The following VGLL2 variants were observed in gnomAD, a reference collection of about 807,000 sequenced individuals.
The protein encoded by VGLL2 is vestigial like family member 2, also known as transcription cofactor vestigial-like protein 2.
In VGLL2, 18 loss-of-function variants were observed where a neutral mutation model predicts 27.0. That is an observed-to-expected ratio of 0.67 (90% CI 0.46 to 0.99). The LOEUF is 0.99. Ranked by LOEUF, VGLL2 falls within the 50% of genes least tolerant of loss-of-function variation. The pLI, the probability that VGLL2 is intolerant of heterozygous loss-of-function variation, is 0.00. For synonymous variants in VGLL2, 220 were observed against 201.1 expected (o/e 1.09, Z -0.80); for missense variants, 491 against 452.3 (o/e 1.09, Z -0.78).
chr6:117,266,654 T>G (rs1407729500), intron 1 of VGLL2, among the ~76,000 whole-genome samples: 3 of 152,174 alleles, frequency 2.0e-5, no homozygotes, highest in African/African-American at 7.2e-5. Context: ...TTCCTTCCAT[T>G]TCCTCAGCTG....
chr6:117,270,907 C>T lies in VGLL2; in HGVS notation c.756C>T (p.Ala252=), dbSNP rs1405525375. The change falls in exon 3 of 4, where the codon GCC becomes GCT. Residue 252 remains alanine (A), a synonymous_variant. Coordinates refer to ENST00000326274, the MANE Select transcript of VGLL2 (RefSeq NM_182645.3). ...TGCCAGCCGCCTCGGGGCGCCCGGC[C>T]CGCCTCGCAACCGCCCCGGCGCCCG... ...LLMPAASGRP[A]RLATAPAPAP... 2.4e-6 allele frequency: 3 copies of T among 1,262,764 alleles called. No individual in the cohort carries two copies. Among genetic ancestry groups the T allele is most frequent in the Non-Finnish European group, 9.9e-7 (1 of 1,009,006 alleles). 78.2% of individuals were successfully genotyped at this position (1,262,764 alleles called of 1,614,324 possible).
Position 117,272,683 on chromosome 6 carries a change from C to A in VGLL2, c.*189C>A. 1 of 763,418 alleles carries A rather than the reference C, an allele frequency of 1.3e-6. No homozygotes were observed. Among genetic ancestry groups the A allele is most frequent in the Non-Finnish European group, 2.0e-6 (1 of 488,418 alleles). The allele number at this position is 763,418 out of a possible 1,614,324, so 47.3% of individuals were successfully genotyped here. A position where few individuals can be genotyped will look rare whatever the true frequency, so the allele number is the denominator to read the frequency against. On this transcript the variant is annotated 3_prime_UTR_variant, in exon 4 of 4. Transcript: ENST00000326274. ...AAAATAAGTCCTGCTGCTGAAAGAG[C>A]AAATCCAAAGACTGAGTTATGTTTA...
intron 2 of VGLL2, among the ~76,000 whole-genome samples, chr6:117,270,315 C>A (rs1773155610): frequency 6.6e-6 from 1 of 152,032 alleles, no homozygotes; most frequent in Admixed American, 6.5e-5. Context: ...TCCCAGAAGC[C>A]CCCATTTTGC....
chr6:117,265,842 C>T lies in VGLL2; in HGVS notation c.79C>T (p.Gln27Ter), dbSNP rs1734726253. Residue 27 changes from glutamine to a stop codon, truncating the protein, a stop_gained and splice_region_variant, in exon 1 of 4, where the codon CAG becomes TAG. Coordinates refer to ENST00000326274, the MANE Select transcript of VGLL2 (RefSeq NM_182645.3). LOFTEE classifies it high-confidence loss of function. ...YFAAAYTPYH[Q>*]KLAYYSKMQE... ...CGCAGCCGCCTACACCCCCTACCAC[C>T]AGGTACGTGTCTCCTCTGGGGACTT... is the stretch of plus-strand genomic sequence containing the variant. The T allele has an allele frequency of 6.2e-7, 1 of 1,613,778 alleles. No homozygotes were observed. The highest frequency in any genetic ancestry group is 1.1e-5 in the South Asian group (1 of 91,076).
At position 117,268,368 on chromosome 6, in the gene VGLL2, T is replaced by A; in HGVS notation, c.268T>A (p.Tyr90Asn). The change falls in exon 2 of 4, where the codon TAT (tyrosine) becomes AAT (asparagine). Residue 90 changes from tyrosine to asparagine, a missense_variant. By Grantham distance (143) the Tyr-to-Asn change is moderately radical. Coordinates refer to ENST00000326274, the MANE Select transcript of VGLL2 (RefSeq NM_182645.3). ...YINSRCVLFT[Y>N]FQGDISSVVD... is the part of the protein sequence containing the mutation. ...CAACTCCCGCTGCGTCCTCTTCACT[T>A]ATTTCCAGGGGGACATCAGCTCCGT... The A allele has an allele frequency of 6.2e-7, 1 of 1,614,002 alleles. No individual in the cohort carries two copies. Among genetic ancestry groups the A allele is most frequent in the South Asian group, 1.1e-5 (1 of 91,068 alleles).
intron 1 of VGLL2, among the ~76,000 whole-genome samples, chr6:117,266,200 C>A (rs1773064845): frequency 6.6e-6 from 1 of 152,176 alleles, no homozygotes; most frequent in African/African-American, 2.4e-5. Context: ...AAAGCTGACG[C>A]AGGAAAAACC....
intron 1 of VGLL2, among the ~76,000 whole-genome samples, chr6:117,267,301 C>T (rs554857191): frequency 6.6e-6 from 1 of 152,306 alleles, no homozygotes; most frequent in East Asian, 1.9e-4. Flanking sequence ...AAAATGTTCA[C>T]AGAAGCTGCG....
chr6:117,272,824 A>G lies in VGLL2; in HGVS notation c.*330A>G, dbSNP rs1180954297. On this transcript the variant is annotated 3_prime_UTR_variant, in exon 4 of 4. Transcript: ENST00000326274. ...GAAAATGAAACTTTTTGGTGTGAAT[A>G]TTTTTTATGCTGATGTGAATTATTT... 1 of 399,358 alleles carries G rather than the reference A, an allele frequency of 2.5e-6. No individual in the cohort carries two copies. Among genetic ancestry groups the G allele is most frequent in the Admixed American group, 4.3e-5 (1 of 23,466 alleles). 24.7% of individuals were successfully genotyped at this position (399,358 alleles called of 1,614,324 possible). A position where few individuals can be genotyped will look rare whatever the true frequency, so the allele number is the denominator to read the frequency against.
In VGLL2 at chr6:117,272,440, A is replaced by T; in HGVS notation, c.914-14A>T. On this transcript the variant is annotated splice_polypyrimidine_tract_variant and intron_variant, in intron 3 of 3. Coordinates refer to ENST00000326274, the MANE Select transcript of VGLL2 (RefSeq NM_182645.3). ...TGGAGTGGGTTTGTAACAGCTTCTGATCTTGGTTTGCAGCTCGTCGTTATT... is the reference window on the plus strand; with the variant it reads ...TGGAGTGGGTTTGTAACAGCTTCTGTTCTTGGTTTGCAGCTCGTCGTTATT... 1.9e-6 allele frequency: 3 copies of T among 1,614,074 alleles called. No individual in the cohort carries two copies. Among genetic ancestry groups the T allele is most frequent in the Non-Finnish European group, 2.5e-6 (3 of 1,180,024 alleles).
intron 1 of VGLL2, among the ~76,000 whole-genome samples, chr6:117,267,442 G>A (rs1773089590): frequency 6.6e-6 from 1 of 151,796 alleles, no homozygotes; most frequent in African/African-American, 2.4e-5. Flanking sequence ...GGAAATACTC[G>A]TAATCCACTG....
intron 2 of VGLL2, 99 bp from the exon 3 acceptor site, chr6:117,270,444 C>T (rs1192699373): frequency 3.6e-6 from 5 of 1,392,286 alleles, no homozygotes; most frequent in Non-Finnish European, 3.8e-6. Flanking sequence ...CCGGCGCCTT[C>T]GTCTCTCGGG....
chr6:117,267,940 G>C (rs1482801535), intron 1 of VGLL2, among the ~76,000 whole-genome samples: 1 of 152,196 alleles, frequency 6.6e-6, no homozygotes, highest in Admixed American at 6.5e-5. Context: ...TTTTCTAGGA[G>C]TCAGAGGGAC....
chr6:117,271,820 G>A (rs1773207072), intron 3 of VGLL2, among the ~76,000 whole-genome samples: 1 of 152,134 alleles, frequency 6.6e-6, no homozygotes, highest in Non-Finnish European at 1.5e-5. Context: ...TCTTAAAAAT[G>A]TAAATCTTAA....
In VGLL2 at chr6:117,268,354, G is replaced by T; in HGVS notation, c.254G>T (p.Cys85Phe). The change falls in exon 2 of 4, where the codon TGC becomes TTC. Residue 85 changes from cysteine to phenylalanine, a missense_variant. Physicochemically the swap from Cys to Phe is radical, Grantham distance 205 (BLOSUM62 -2). Coordinates refer to ENST00000326274, the MANE Select transcript of VGLL2 (RefSeq NM_182645.3). ...PPEAEYINSR[C>F]VLFTYFQGDI... ...GAGGCAGAGTACATCAACTCCCGCTGCGTCCTCTTCACTTATTTCCAGGGG... is the reference window on the plus strand; with the variant it reads ...GAGGCAGAGTACATCAACTCCCGCTTCGTCCTCTTCACTTATTTCCAGGGG... The T allele has an allele frequency of 6.2e-7, 1 of 1,614,136 alleles. No homozygotes were observed. The highest frequency in any genetic ancestry group is 8.5e-7 in the Non-Finnish European group (1 of 1,180,022).
chr6:117,270,300 TG>T (rs766357675), intron 2 of VGLL2, among the ~76,000 whole-genome samples: 172 of 152,222 alleles, frequency 1.1e-3, no homozygotes, highest in Non-Finnish European at 2.0e-3. Context: ...CTCCTTTTCG[TG>T]GGTTCCCAGA....
At chr6:117,267,539 CGT>C (rs1262553699) in intron 1 of VGLL2, among the ~76,000 whole-genome samples, 1 of 152,104 alleles carries the variant, frequency 6.6e-6, no homozygotes, top group Admixed American at 6.5e-5. Flanking sequence ...TAAAATGATC[CGT>C]GTTTCCCCAG....
chr6:117,267,286 C>G (rs1773086436), intron 1 of VGLL2, among the ~76,000 whole-genome samples: 1 of 152,152 alleles, frequency 6.6e-6, no homozygotes, highest in Non-Finnish European at 1.5e-5. Context: ...TTGCTCATTT[C>G]TAAGAAAATG....
intron 2 of VGLL2, among the ~76,000 whole-genome samples, chr6:117,269,507 T>C (rs1255447369): frequency 6.6e-6 from 1 of 152,246 alleles, no homozygotes; most frequent in African/African-American, 2.4e-5. Flanking sequence ...AAAACATTCA[T>C]TTTAAATACA....
chr6:117,271,665 C>G (rs919075266), intron 3 of VGLL2, among the ~76,000 whole-genome samples: 7 of 152,064 alleles, frequency 4.6e-5, no homozygotes, highest in African/African-American at 1.7e-4. Context: ...CATTGTATTT[C>G]TATTGGACAG....
Sources: allele counts gnomAD v4.1 joint callset (sites outside exome capture counted in the v4.1 genomes callset), GRCh38; gene constraint gnomAD v4.1.1; transcripts MANE v1.5; gene names NCBI Gene and HGNC (gene_info 2026-07-23, HGNC 2026-07-21).